Variants in CHCHD6 observed in about 807,000 individuals in gnomAD.
CHCHD6 encodes the protein coiled-coil-helix-coiled-coil-helix domain containing 6.
A neutral mutation model predicts 32.3 loss-of-function variants in CHCHD6; 28 were observed. The ratio of observed to expected loss-of-function variants is 0.87; its 90% CI spans 0.64 to 1.19. The LOEUF (loss-of-function observed/expected upper bound fraction) is 1.19. Ranked by LOEUF, CHCHD6 falls within the 50% of genes most tolerant of loss-of-function variation. The pLI, the probability that CHCHD6 is intolerant of heterozygous loss-of-function variation, is 0.00. For synonymous variants in CHCHD6, 122 were observed against 117.5 expected (o/e 1.04, Z -0.25); for missense variants, 333 against 307.0 (o/e 1.08, Z -0.63).
At chr3:126,862,591 T>A (rs1175992657) in intron 5 of CHCHD6, among the ~76,000 whole-genome samples, 27 of 66,326 alleles carry the variant, frequency 4.1e-4, no homozygotes, top group South Asian at 1.3e-3. Context: ...CACCATCACC[T>A]CTTCCTCCAC....
intron 5 of CHCHD6, chr3:126,865,591 A>C (rs1576525090): frequency 1.0e-6 from 1 of 984,032 alleles, no homozygotes; most frequent in African/African-American, 1.8e-5. Context: ...TTCCTCTACC[A>C]CCTCCACACC....
intron 5 of CHCHD6, among the ~76,000 whole-genome samples, chr3:126,863,367 C>G (rs1312624191): frequency 8.0e-6 from 1 of 124,424 alleles, no homozygotes; most frequent in Non-Finnish European, 1.7e-5. Context: ...CCATCACCAC[C>G]TCCTCCTCCT....
chr3:126,726,345 G>T (rs898596340), intron 1 of CHCHD6, among the ~76,000 whole-genome samples: 2 of 152,180 alleles, frequency 1.3e-5, no homozygotes, highest in African/African-American at 4.8e-5. Flanking sequence ...GTCTTACATG[G>T]ACAATGTTCT....
intron 1 of CHCHD6, among the ~76,000 whole-genome samples, chr3:126,714,661 C>G (rs1253181551): frequency 6.6e-6 from 1 of 152,156 alleles, no homozygotes; most frequent in Non-Finnish European, 1.5e-5. Flanking sequence ...TAGGCCTGCC[C>G]TAGCCCACCC....
chr3:126,885,205 C>G (rs1253202839), intron 5 of CHCHD6, among the ~76,000 whole-genome samples: 1 of 152,188 alleles, frequency 6.6e-6, no homozygotes, highest in South Asian at 2.1e-4. Flanking sequence ...CCTTCCAGCT[C>G]CAGTCAACGT....
chr3:126,754,960 C>G (rs1459521162), intron 4 of CHCHD6, among the ~76,000 whole-genome samples: 1 of 152,118 alleles, frequency 6.6e-6, no homozygotes, highest in African/African-American at 2.4e-5. Context: ...TGGCATCTTC[C>G]CATTGGGGGC....
At chr3:126,790,942 A>G (rs571549668) in intron 4 of CHCHD6, among the ~76,000 whole-genome samples, 1 of 151,972 alleles carries the variant, frequency 6.6e-6, no homozygotes, top group African/African-American at 2.4e-5. Context: ...TTTTTTCCCC[A>G]TTTTTGTGGT....
At chr3:126,865,629 G>C in intron 5 of CHCHD6, 1 of 985,110 alleles carries the variant, frequency 1.0e-6, no homozygotes, top group African/African-American at 1.7e-5. Flanking sequence ...TTTGATTGCT[G>C]CTGCCCCCTC....
In CHCHD6 at chr3:126,938,477, C is replaced by T. The variant is rs568967567; in HGVS notation, c.567-18939C>T. 5.3e-5 allele frequency among the ~76,000 whole-genome samples: 8 copies of T among 152,250 alleles called. No homozygotes were observed. The South Asian group carries it at 1.0e-3, about 20-fold the overall frequency. On this transcript the variant is annotated intron_variant, in intron 6 of 7. Transcript: ENST00000290913. The stretch of plus-strand genomic sequence containing the variant: ...GAGTGCCTGGCATGTAATCAGGATT[C>T]GATAAATGGTAGCTGTTCTTATTTA...
At chr3:126,760,130 C>T (rs1306253970) in intron 4 of CHCHD6, among the ~76,000 whole-genome samples, 4 of 152,220 alleles carry the variant, frequency 2.6e-5, no homozygotes, top group East Asian at 3.8e-4. Context: ...CCACCTCCAA[C>T]ACTGGGGATT....
chr3:126,814,005 G>A (rs1359211210), intron 4 of CHCHD6, among the ~76,000 whole-genome samples: 2 of 152,178 alleles, frequency 1.3e-5, no homozygotes, highest in Admixed American at 6.5e-5. Context: ...GCTCCCCAGA[G>A]GAACCCAGCA....
chr3:126,931,086 TG>T (rs963980082), intron 6 of CHCHD6, among the ~76,000 whole-genome samples: 4 of 152,180 alleles, frequency 2.6e-5, no homozygotes, highest in African/African-American at 9.7e-5. Flanking sequence ...TCCTGCTCTG[TG>T]GGGGCAGGCC....
chr3:126,926,650 G>A (rs1213355181), intron 6 of CHCHD6, among the ~76,000 whole-genome samples: 2 of 152,198 alleles, frequency 1.3e-5, no homozygotes, highest in African/African-American at 4.8e-5. Flanking sequence ...TAGAGATGAG[G>A]CTGGTGGGAC....
intron 4 of CHCHD6, among the ~76,000 whole-genome samples, chr3:126,823,816 G>A (rs1041007468): frequency 6.6e-6 from 1 of 152,168 alleles, no homozygotes; most frequent in Non-Finnish European, 1.5e-5. Flanking sequence ...AGAGGCCGAG[G>A]CAGGAGGATT....
intron 6 of CHCHD6, among the ~76,000 whole-genome samples, chr3:126,954,011 C>G (rs566054760): frequency 6.6e-6 from 1 of 152,298 alleles, no homozygotes; most frequent in Admixed American, 6.5e-5. Context: ...GAAGGCCTAG[C>G]CCTGCCTTGC....
rs531145339 is a variant in CHCHD6 at position 126,750,452 on chromosome 3, G to C, written c.411+17230G>C. 2.0e-5 allele frequency among the ~76,000 whole-genome samples: 3 copies of C among 152,374 alleles called. No individual in the cohort carries two copies. In the South Asian group the frequency reaches 6.2e-4, roughly 32 times the overall value. On this transcript the variant is annotated intron_variant, in intron 4 of 7. Transcript: ENST00000290913. Reference sequence around the variant, plus strand: ...GGCCCTGGCCAGACCTCAGATGGGGGCAGTGTTTTCTACCAGATCAGACAG... The same window carrying C: ...GGCCCTGGCCAGACCTCAGATGGGGCCAGTGTTTTCTACCAGATCAGACAG...
intron 4 of CHCHD6, among the ~76,000 whole-genome samples, chr3:126,774,089 C>T (rs1937592596): frequency 6.6e-6 from 1 of 151,910 alleles, no homozygotes; most frequent in Admixed American, 6.6e-5. Flanking sequence ...GTTTTATTTC[C>T]TGTTTATTAG....
At chr3:126,858,824 A>C (rs532800094) in intron 5 of CHCHD6, among the ~76,000 whole-genome samples, 37 of 152,306 alleles carry the variant, frequency 2.4e-4, no homozygotes, top group African/African-American at 8.9e-4. Context: ...TAGAGTTGCT[A>C]AAACCCTGTG....
chr3:126,937,874 G>T (rs1275883461), intron 6 of CHCHD6, among the ~76,000 whole-genome samples: 1 of 152,248 alleles, frequency 6.6e-6, no homozygotes, highest in East Asian at 1.9e-4. Flanking sequence ...ACTTCTGGGG[G>T]AGCGGGATTT....
Sources: allele counts gnomAD v4.1 joint callset (sites outside exome capture counted in the v4.1 genomes callset), GRCh38; gene constraint gnomAD v4.1.1; transcripts MANE v1.5; gene names NCBI Gene and HGNC (gene_info 2026-07-23, HGNC 2026-07-21).